CAPN1: variants seen among roughly 807,000 people sequenced by gnomAD.
The protein encoded by CAPN1 is calpain 1.
A neutral mutation model predicts 105.2 loss-of-function variants in CAPN1; 77 were observed. The ratio of observed to expected loss-of-function variants is 0.73; its 90% CI spans 0.61 to 0.88. CAPN1 has a LOEUF of 0.88. Among genes scored for constraint, CAPN1 ranks in the 40% least tolerant of loss-of-function variants. The pLI is 0.00. For missense variants in CAPN1, 833 were observed against 976.6 expected, an observed-to-expected ratio of 0.85 and a Z score of 1.96; for synonymous variants, 355 against 388.8, an observed-to-expected ratio of 0.91 and a Z score of 1.02.
upstream of CAPN1, chr11:65,181,612 T>C (rs542446481): frequency 7.3e-6 from 3 of 411,152 alleles, no homozygotes; most frequent in South Asian, 5.0e-5. The surrounding 1 kb of genome is among the most constrained non-coding windows in gnomAD (Gnocchi z 4.6). Flanking sequence ...TGGTTAAAAA[T>C]ACCCCCTGCC....
At chr11:65,194,821 G>A (rs1948769103) in intron 10 of CAPN1, among the ~76,000 whole-genome samples, 1 of 152,140 alleles carries the variant, frequency 6.6e-6, no homozygotes, top group Admixed American at 6.5e-5. Context: ...TGTGGAGAAT[G>A]TTCCTGTGAA....
rs759985956 is a variant in CAPN1, at chr11:65,209,072, C to T, written c.1730-251C>T. 1.4e-5 allele frequency: 8 copies of T among 556,220 alleles called. No homozygotes were observed. The highest frequency in any genetic ancestry group is 1.2e-4 in the South Asian group (6 of 48,188). 34.5% of individuals were successfully genotyped at this position (556,220 alleles called of 1,614,324 possible). ...TGCCCCATCTTTCTACCCAATTTCT[C>T]GCTCTTCTGTTTCACACTCATTTCT... On this transcript the variant is annotated intron_variant, in intron 16 of 21. Transcript: ENST00000279247. The surrounding 1 kb of genome is among the most constrained non-coding windows in gnomAD (Gnocchi z 4.1).
Position 65,209,976 on chromosome 11 carries a change from C to T in CAPN1, c.1864-42C>T, listed in dbSNP as rs753089482. 20 of 1,611,432 alleles carry T rather than the reference C, an allele frequency of 1.2e-5. No individual in the cohort carries two copies. The highest frequency in any genetic ancestry group is 4.5e-5 in the East Asian group (2 of 44,864). On this transcript the variant is annotated intron_variant, in intron 18 of 21. Transcript: ENST00000279247. This position sits in a 1 kb window ranked among gnomAD's most constrained non-coding sequence, Gnocchi z 4.1. ...TGCGGGCCGGGCAGGTGGGAAGGGC[C>T]GGGTGACTCAGCCTGGCCCTCACCC...
chr11:65,211,469 G>A lies in CAPN1; in HGVS notation c.*183G>A. 1 of 648,956 alleles carries A rather than the reference G, an allele frequency of 1.5e-6. No individual in the cohort carries two copies. The highest frequency in any genetic ancestry group is 2.7e-5 in the East Asian group (1 of 36,426). 40.2% of individuals were successfully genotyped at this position (648,956 alleles called of 1,614,324 possible). On this transcript the variant is annotated 3_prime_UTR_variant, in exon 22 of 22. Coordinates refer to ENST00000279247, the MANE Select transcript of CAPN1 (RefSeq NM_005186.4). ...GTTCATCTGCTCCGGGCAGAACTGT[G>A]TGGCCCCTGCCTGTGCCAGCCATGG...
intron 10 of CAPN1, among the ~76,000 whole-genome samples, chr11:65,195,100 GT>G (rs60778423): frequency 0.25 from 22,452 of 90,574 alleles, 2,274 homozygotes; most frequent in Middle Eastern, 0.35. Flanking sequence ...GTTTTTTGGG[GT>G]TTTTTTTTTT....
At chr11:65,195,078 G>C (rs1194028276) in intron 10 of CAPN1, among the ~76,000 whole-genome samples, 1 of 148,918 alleles carries the variant, frequency 6.7e-6, no homozygotes, top group Non-Finnish European at 1.5e-5. Context: ...GGTGTGAAGT[G>C]GTATCACTGA....
Position 65,206,644 on chromosome 11 carries a change from GCTT to G in CAPN1, c.1541_1543del (p.Phe514del). 6.2e-7 allele frequency: 1 copy of G among 1,613,328 alleles called. No individual in the cohort carries two copies. On this transcript the variant is annotated inframe_deletion, in exon 13 of 22. Coordinates refer to ENST00000279247, the MANE Select transcript of CAPN1 (RefSeq NM_005186.4). ...AACAAGGAGGGCGACTTCGTGCTGC[GCTT>G]CTTCTCAGAGAAGAGTGCTGGGACT...
intron 6 of CAPN1, 61 bp from the exon 7 acceptor site, chr11:65,187,154 G>A: frequency 8.1e-7 from 1 of 1,236,632 alleles, no homozygotes; most frequent in Non-Finnish European, 1.2e-6. Flanking sequence ...GAGTGCTGGG[G>A]GCTCATCTGA....
chr11:65,206,801 G>A lies in CAPN1; in HGVS notation c.1587G>A (p.Gln529=). ...AGTVELDDQI[Q]ANLPDEQVLS... is the part of the protein sequence containing the mutation. The stretch of plus-strand genomic sequence containing the variant: ...GCAGGGAGCTGGATGACCAGATCCA[G>A]GCCAATCTCCCCGATGAGGTGCGTG... Residue 529 remains glutamine, a synonymous_variant, in exon 14 of 22, where the codon CAG becomes CAA. Transcript: ENST00000279247. 8.1e-6 allele frequency: 13 copies of A among 1,612,794 alleles called. No homozygotes were observed. The highest frequency in any genetic ancestry group is 1.1e-5 in the Non-Finnish European group (13 of 1,179,564).
chr11:65,186,237 G>A lies in CAPN1; in HGVS notation c.658G>A (p.Gly220Arg), dbSNP rs567507506. 5 of 1,613,642 alleles carry A rather than the reference G, an allele frequency of 3.1e-6. No individual in the cohort carries two copies. The highest frequency in any genetic ancestry group is 4.5e-5 in the East Asian group (2 of 44,864). ...AGAGGGCTTTGAGGACTTCACAGGCGGGGTTACCGAGTGGTACGAGTTGCG... is the reference window on the plus strand; with the variant it reads ...AGAGGGCTTTGAGGACTTCACAGGCAGGGTTACCGAGTGGTACGAGTTGCG... Reference protein sequence around the residue: ...TSEGFEDFTGGVTEWYELRKA... With the variant: ...TSEGFEDFTGRVTEWYELRKA... The change falls in exon 6 of 22, where the codon GGG (glycine) becomes AGG (arginine). Residue 220 changes from glycine to arginine, a missense_variant. By Grantham distance (125) the Gly-to-Arg change is moderately radical. Transcript: ENST00000279247.
intron 10 of CAPN1, among the ~76,000 whole-genome samples, chr11:65,191,339 A>G (rs1462537262): frequency 6.6e-6 from 1 of 152,230 alleles, no homozygotes; most frequent in Non-Finnish European, 1.5e-5. Context: ...CTTGTTGCTC[A>G]TACGATAACA....
chr11:65,187,622 C>T (rs1247342446), intron 7 of CAPN1: 4 of 473,196 alleles, frequency 8.5e-6, no homozygotes, highest in African/African-American at 7.9e-5. Flanking sequence ...TGCACTGGCT[C>T]ACACCTGTAA....
At position 65,208,461 on chromosome 11, in the gene CAPN1, C is replaced by G. The variant is rs17879176; in HGVS notation, c.1729+199C>G. On this transcript the variant is annotated intron_variant, in intron 16 of 21. Coordinates refer to ENST00000279247, the MANE Select transcript of CAPN1 (RefSeq NM_005186.4). The surrounding 1 kb of genome is among the most constrained non-coding windows in gnomAD (Gnocchi z 4.1). The stretch of plus-strand genomic sequence containing the variant: ...CTGCCATCCTGATAATCCCTGTGCT[C>G]GGGTGCTGTGCCTTTGTGGGATTAG... The G allele has an allele frequency of 2.4e-4, 150 of 634,648 alleles. No homozygotes were observed. The highest frequency in any genetic ancestry group is 4.8e-5 in the Non-Finnish European group (17 of 353,490). The allele number at this position is 634,648 out of a possible 1,614,324, so 39.3% of individuals were successfully genotyped here.
Position 65,204,708 on chromosome 11 carries a change from C to T in CAPN1, c.1191C>T (p.Phe397=), listed in dbSNP as rs1948924381. The T allele has an allele frequency of 6.2e-7, 1 of 1,612,764 alleles. No homozygotes were observed. Among genetic ancestry groups the T allele is most frequent in the Non-Finnish European group, 8.5e-7 (1 of 1,179,448 alleles). ...YPATFWVNPQ[F]KIRLDETDDP... is the part of the protein sequence containing the mutation. ...CCACCTTCTGGGTGAACCCTCAGTT[C>T]AAGATCCGGCTGGATGAGACGGATG... The change falls in exon 11 of 22, where the codon TTC becomes TTT. Residue 397 remains phenylalanine (F), a synonymous_variant. Transcript: ENST00000279247.
At chr11:65,190,353 G>A (rs1482265547) in intron 10 of CAPN1, among the ~76,000 whole-genome samples, 2 of 152,112 alleles carry the variant, frequency 1.3e-5, no homozygotes, top group Non-Finnish European at 2.9e-5. Context: ...TGCCAGATCC[G>A]CCGCTGCTCT....
intron 10 of CAPN1, among the ~76,000 whole-genome samples, chr11:65,190,209 AC>A (rs902391954): frequency 2.6e-5 from 4 of 152,144 alleles, no homozygotes; most frequent in Non-Finnish European, 4.4e-5. Context: ...CCTTCAAAGC[AC>A]AATTTATCAG....
At chr11:65,201,327 T>G (rs569983315) in intron 10 of CAPN1, among the ~76,000 whole-genome samples, 1 of 152,126 alleles carries the variant, frequency 6.6e-6, no homozygotes, top group Non-Finnish European at 1.5e-5. Context: ...GCTCAAGCAG[T>G]CCTCCCACCT....
Position 65,183,153 on chromosome 11 carries a change from T to C in CAPN1, c.293T>C (p.Ile98Thr), listed in dbSNP as rs1293445986. The C allele has an allele frequency of 1.2e-6, 2 of 1,613,768 alleles. No homozygotes were observed. The highest frequency in any genetic ancestry group is 1.7e-5 in the Admixed American group (1 of 59,998). ...PTELLSNPQF[I>T]VDGATRTDIC... is the part of the protein sequence containing the mutation. ...GAACTGCTGTCAAACCCCCAGTTCA[T>C]TGTGGATGGAGCTACCCGCACAGAC... Residue 98 changes from isoleucine (I) to threonine (T), a missense_variant, in exon 3 of 22, where the codon ATT (isoleucine) becomes ACT (threonine). By Grantham distance (89) the Ile-to-Thr change is moderately conservative. Coordinates refer to ENST00000279247, the MANE Select transcript of CAPN1 (RefSeq NM_005186.4).
intron 10 of CAPN1, among the ~76,000 whole-genome samples, chr11:65,193,489 C>G (rs969792245): frequency 1.3e-5 from 2 of 151,084 alleles, no homozygotes; most frequent in Non-Finnish European, 3.0e-5. Context: ...ACTAAAAATA[C>G]AAAAAATTAG....
Sources: allele counts gnomAD v4.1 joint callset (sites outside exome capture counted in the v4.1 genomes callset), GRCh38; gene constraint gnomAD v4.1.1; non-coding constraint Gnocchi (gnomAD v3.1); transcripts MANE v1.5; gene names NCBI Gene and HGNC (gene_info 2026-07-23, HGNC 2026-07-21).